GRHL2: variants seen among roughly 807,000 people sequenced by gnomAD.
The protein encoded by GRHL2 is grainyhead-like protein 2 homolog.
A neutral mutation model predicts 83.8 loss-of-function variants in GRHL2; 21 were observed. That is an observed-to-expected ratio of 0.25 (90% CI 0.18 to 0.36). The LOEUF (loss-of-function observed/expected upper bound fraction) is 0.36, where lower values mean the gene tolerates loss of function less well. Among genes scored for constraint, GRHL2 ranks in the 10% least tolerant of loss-of-function variants. The probability of loss-of-function intolerance (pLI) is 1.00; values close to 1 mark genes in which losing one functional copy is unlikely to be tolerated. For synonymous variants in GRHL2, 280 were observed against 278.9 expected, an observed-to-expected ratio of 1.00 and a Z score of -0.04; for missense variants, 623 against 781.8, an observed-to-expected ratio of 0.80 and a Z score of 2.42.
intron 4 of GRHL2, among the ~76,000 whole-genome samples, chr8:101,561,183 T>C (rs1239197536): frequency 6.6e-6 from 1 of 152,096 alleles, no homozygotes; most frequent in East Asian, 1.9e-4. Context: ...TTTAAATGGT[T>C]TTATGTGCAA....
Position 101,579,814 on chromosome 8 carries a change from A to G in GRHL2, c.1003+2295A>G, listed in dbSNP as rs1000974970. Among the ~76,000 whole-genome samples the G allele has an allele frequency of 3.9e-5, 6 of 152,114 alleles. No homozygotes were observed. In the East Asian group the frequency reaches 1.2e-3, roughly 29 times the overall value. On this transcript the variant is annotated intron_variant, in intron 7 of 15. Coordinates refer to ENST00000646743, the MANE Select transcript of GRHL2 (RefSeq NM_024915.4). ...ATCTGCTTTAACTCTGGAGTGTGAT[A>G]TTGAGAAGGTTTCTGAGGTCACTCT...
intron 1 of GRHL2, among the ~76,000 whole-genome samples, chr8:101,511,233 G>A (rs561626): frequency 0.98 from 149,847 of 152,338 alleles, 73,781 homozygotes; most frequent in Non-Finnish European, 1. Context: ...TATTTCACAT[G>A]AAGAATATAC....
chr8:101,579,734 C>T (rs1026241780), intron 7 of GRHL2, among the ~76,000 whole-genome samples: 2 of 152,266 alleles, frequency 1.3e-5, no homozygotes, highest in African/African-American at 4.8e-5. Context: ...CACTATTTCC[C>T]ACATAAAGGA....
chr8:101,532,650 G>A lies in GRHL2; in HGVS notation c.21-10591G>A, dbSNP rs540495650. ...CTGCAATCCCAGCTACTCGGCGGGG[G>A]GGCTGAGGCAGGAGAATTGCTTGAA... On this transcript the variant is annotated intron_variant, in intron 1 of 15. Transcript: ENST00000646743. Among the ~76,000 whole-genome samples the A allele has an allele frequency of 5.9e-5, 9 of 151,976 alleles. No homozygotes were observed. In the East Asian group the frequency reaches 1.4e-3, roughly 23 times the overall value.
chr8:101,522,118 A>G (rs970142849), intron 1 of GRHL2, among the ~76,000 whole-genome samples: 1 of 152,108 alleles, frequency 6.6e-6, no homozygotes, highest in Non-Finnish European at 1.5e-5. Context: ...ATATATTTTT[A>G]TTATACTTTA....
intron 5 of GRHL2, among the ~76,000 whole-genome samples, chr8:101,571,540 C>A (rs1490020302): frequency 1.3e-5 from 2 of 151,698 alleles, no homozygotes; most frequent in Non-Finnish European, 1.5e-5. Context: ...AATTTATCTC[C>A]CCCATTTACA....
downstream of GRHL2, among the ~76,000 whole-genome samples, chr8:101,671,734 G>A (rs1814213342): frequency 6.6e-6 from 1 of 152,220 alleles, no homozygotes; most frequent in Non-Finnish European, 1.5e-5. Flanking sequence ...CGGGCAGACT[G>A]CCTCCTCAAG....
chr8:101,656,488 A>G (rs764415775), intron 14 of GRHL2, among the ~76,000 whole-genome samples: 35 of 152,342 alleles, frequency 2.3e-4, no homozygotes, highest in Admixed American at 9.1e-4. Context: ...CTTAAGCCCA[A>G]TTAGGGAGAC....
intron 1 of GRHL2, among the ~76,000 whole-genome samples, chr8:101,498,172 G>C (rs1027606321): frequency 2.0e-5 from 3 of 152,190 alleles, no homozygotes; most frequent in African/African-American, 7.2e-5. Context: ...AGGCCGGAGT[G>C]CACTGGCACA....
intron 1 of GRHL2, among the ~76,000 whole-genome samples, chr8:101,540,939 C>T (rs76758854): frequency 0.028 from 4,198 of 152,126 alleles, 90 homozygotes; most frequent in African/African-American, 0.062. Flanking sequence ...GAATAGTGTA[C>T]ATTGTACCAA....
chr8:101,537,030 T>C (rs1811058193), intron 1 of GRHL2, among the ~76,000 whole-genome samples: 3 of 152,248 alleles, frequency 2.0e-5, no homozygotes, highest in South Asian at 4.2e-4. Context: ...ACATGCAGTA[T>C]TTGGTTTTCT....
chr8:101,558,392 C>T, intron 3 of GRHL2, 27 bp from the exon 4 acceptor site: 1 of 1,613,504 alleles, frequency 6.2e-7, no homozygotes, highest in Non-Finnish European at 8.5e-7. Flanking sequence ...CTAATTCTAT[C>T]ATGTTGCGGG....
chr8:101,651,449 C>A (rs1303952392), intron 14 of GRHL2, among the ~76,000 whole-genome samples: 1 of 152,228 alleles, frequency 6.6e-6, no homozygotes, highest in African/African-American at 2.4e-5. Context: ...GTGTGAGAAC[C>A]TCTGATCTAG....
chr8:101,599,244 A>G (rs965611322), intron 8 of GRHL2, 93 bp downstream of exon 8: 3 of 845,186 alleles, frequency 3.5e-6, no homozygotes, highest in African/African-American at 1.7e-5. Context: ...GTAGCCTCCT[A>G]TTAAAAAGAA....
intron 1 of GRHL2, among the ~76,000 whole-genome samples, chr8:101,540,027 T>C (rs1176245037): frequency 6.6e-6 from 1 of 152,196 alleles, no homozygotes; most frequent in Non-Finnish European, 1.5e-5. Flanking sequence ...TCAATAAATA[T>C]TTAAAGAATA....
chr8:101,602,205 TATCATTGATTTTATA>T (rs1812530749), intron 8 of GRHL2, among the ~76,000 whole-genome samples: 1 of 152,222 alleles, frequency 6.6e-6, no homozygotes, highest in South Asian at 2.1e-4. Context: ...TTCTCTAAAA[TATCATTGATTTTATA>T]ATAAGCAGAC....
At chr8:101,552,432 C>T (rs1021358849) in intron 2 of GRHL2, among the ~76,000 whole-genome samples, 5 of 152,216 alleles carry the variant, frequency 3.3e-5, no homozygotes, top group Non-Finnish European at 7.3e-5. Context: ...AGGTGGGGAG[C>T]GCATGAGAGG....
chr8:101,590,181 G>T (rs1340651795), intron 7 of GRHL2, among the ~76,000 whole-genome samples: 1 of 152,146 alleles, frequency 6.6e-6, no homozygotes, highest in Non-Finnish European at 1.5e-5. Context: ...ATCAGCTCTA[G>T]TGTTAACACA....
chr8:101,666,250 G>T (rs1421135683), intron 15 of GRHL2, among the ~76,000 whole-genome samples: 1 of 152,132 alleles, frequency 6.6e-6, no homozygotes, highest in East Asian at 1.9e-4. Flanking sequence ...AAAAGAGTTA[G>T]AGAGAGAGCC....
Sources: gnomAD v4.1 joint callset for allele counts (sites outside exome capture counted in the v4.1 genomes callset) on GRCh38, gnomAD v4.1.1 for gene constraint, MANE v1.5 for transcripts, NCBI Gene and HGNC (gene_info 2026-07-23, HGNC 2026-07-21) for gene names.